CALU: variants seen among roughly 807,000 people sequenced by gnomAD.
CALU encodes the protein IEF SSP 9302.
In CALU, 13 loss-of-function variants were observed where a neutral mutation model predicts 37.5. The observed-to-expected ratio is 0.35, with a 90% CI of 0.23 to 0.55. The LOEUF (loss-of-function observed/expected upper bound fraction) is 0.55, where lower values mean the gene tolerates loss of function less well. Ranked by LOEUF, CALU falls within the 20% of genes least tolerant of loss-of-function variation. CALU has a pLI of 0.89. For missense variants in CALU, 282 were observed against 391.7 expected (o/e 0.72, Z 2.36); for synonymous variants, 114 against 133.8 (o/e 0.85, Z 1.02).
intron 6 of CALU, 46 bp from the exon 7 acceptor site, chr7:128,769,017 A>T (rs1801452478): frequency 9.0e-7 from 1 of 1,107,738 alleles, no homozygotes. Context: ...TGAATTTTTA[A>T]TGGGAAATAT....
At chr7:128,764,125 T>A (rs1469242100) in intron 5 of CALU, among the ~76,000 whole-genome samples, 1 of 152,162 alleles carries the variant, frequency 6.6e-6, no homozygotes, top group African/African-American at 2.4e-5. Context: ...TTTAAACAGT[T>A]GTAAAGAATA....
At chr7:128,766,425 C>CTTTTTT (rs11288081) in intron 5 of CALU, among the ~76,000 whole-genome samples, 289 of 94,902 alleles carry the variant, frequency 3.0e-3, no homozygotes, top group Non-Finnish European at 4.1e-3. Context: ...ATTTCTTTTT[C>CTTTTTT]TTTTTTTTTT....
intron 5 of CALU, among the ~76,000 whole-genome samples, chr7:128,763,330 A>G (rs1801196545): frequency 6.6e-6 from 1 of 152,144 alleles, no homozygotes; most frequent in East Asian, 1.9e-4. Context: ...GGAGTTAGAC[A>G]CCAGCCTGAC....
intron 3 of CALU, among the ~76,000 whole-genome samples, chr7:128,756,839 G>C (rs1000052259): frequency 6.6e-6 from 1 of 152,152 alleles, no homozygotes; most frequent in Admixed American, 6.5e-5. Context: ...ATTTTGGGAG[G>C]CCGAGGCAGA....
intron 1 of CALU, among the ~76,000 whole-genome samples, chr7:128,746,302 C>T (rs141023521): frequency 0.049 from 7,432 of 151,236 alleles, 251 homozygotes; most frequent in Non-Finnish European, 0.069. Context: ...GGACTACAGG[C>T]GTGTGCCACC....
chr7:128,757,859 C>T (rs556271196), intron 3 of CALU, among the ~76,000 whole-genome samples: 1 of 150,602 alleles, frequency 6.6e-6, no homozygotes, highest in Admixed American at 6.6e-5. Context: ...TTGTGTAGCT[C>T]GATGTCATAA....
chr7:128,753,735 TC>T (rs1800762582), intron 2 of CALU, among the ~76,000 whole-genome samples: 1 of 152,230 alleles, frequency 6.6e-6, no homozygotes, highest in African/African-American at 2.4e-5. Context: ...TTTTCTGATA[TC>T]TTTGTATTTT....
intron 6 of CALU, 136 bp downstream of exon 6, chr7:128,767,791 G>A: frequency 2.8e-6 from 2 of 713,508 alleles, no homozygotes; most frequent in Non-Finnish European, 4.8e-6. Context: ...TCTGAATCTG[G>A]CGATTAAAAC....
chr7:128,743,073 A>G (rs1012424445), intron 1 of CALU, among the ~76,000 whole-genome samples: 8 of 152,196 alleles, frequency 5.3e-5, no homozygotes, highest in African/African-American at 1.9e-4. Flanking sequence ...ACTTATACCA[A>G]TCGCAATTCA....
intron 4 of CALU, 65 bp downstream of exon 4, chr7:128,759,102 C>A: frequency 7.8e-7 from 1 of 1,279,264 alleles, no homozygotes; most frequent in South Asian, 1.4e-5. Flanking sequence ...TTCTGTCTTT[C>A]CCCTTTAGCC....
chr7:128,754,560 G>C (rs776917035), intron 3 of CALU, 105 bp downstream of exon 3: 2 of 1,554,906 alleles, frequency 1.3e-6, no homozygotes, highest in East Asian at 4.8e-5. Flanking sequence ...CGCGGATAAA[G>C]ATGGGTTTGT....
At chr7:128,754,866 T>C (rs1001895624) in intron 3 of CALU, 7 of 430,870 alleles carry the variant, frequency 1.6e-5, no homozygotes, top group Non-Finnish European at 2.5e-5. Flanking sequence ...TAAATTTGTA[T>C]ATTATGTATT....
At chr7:128,748,522 A>T in intron 1 of CALU, 51 bp from the exon 2 acceptor site, 1 of 1,389,230 alleles carries the variant, frequency 7.2e-7, no homozygotes, top group Middle Eastern at 1.8e-4. Flanking sequence ...TTTCTTATTT[A>T]GTTATTAAGC....
intron 1 of CALU, among the ~76,000 whole-genome samples, chr7:128,746,173 C>A (rs914643957): frequency 6.9e-6 from 1 of 145,476 alleles, no homozygotes; most frequent in Non-Finnish European, 1.5e-5. Context: ...TTTTTACATT[C>A]TTTTTTTTGA....
chr7:128,768,868 A>AAAAAAAAAAAAAAAAAAG (rs1207568324), intron 6 of CALU, among the ~76,000 whole-genome samples, 195 bp from the exon 7 acceptor site: 1 of 150,518 alleles, frequency 6.6e-6, no homozygotes, highest in Non-Finnish European at 1.5e-5. Context: ...AAAAAAAAAA[A>AAAAAAAAAAAAAAAAAAG]CAAGGAATGT....
intron 1 of CALU, among the ~76,000 whole-genome samples, chr7:128,744,739 G>A (rs1430743672): frequency 6.6e-6 from 1 of 152,142 alleles, no homozygotes; most frequent in Non-Finnish European, 1.5e-5. Context: ...TGAAGGAACA[G>A]CACAGTCTGG....
At chr7:128,746,405 G>A (rs1206228639) in intron 1 of CALU, among the ~76,000 whole-genome samples, 3 of 151,846 alleles carry the variant, frequency 2.0e-5, no homozygotes, top group Non-Finnish European at 4.4e-5. Flanking sequence ...TGATCCTCCC[G>A]CCTCGGCCTC....
At chr7:128,765,451 C>A (rs1033573553) in intron 5 of CALU, among the ~76,000 whole-genome samples, 1 of 152,168 alleles carries the variant, frequency 6.6e-6, no homozygotes, top group African/African-American at 2.4e-5. Context: ...CACAAGTCAG[C>A]CTTCTATTTG....
rs1362748522 is a variant in CALU, at chr7:128,769,478, C to A, written c.*311C>A. ...TGATATGAAGGATCAAGATCCTCAA[C>A]TCACACATGTAGACAAACATTAGCT... On this transcript the variant is annotated 3_prime_UTR_variant, in exon 7 of 7. Coordinates refer to ENST00000249364, the MANE Select transcript of CALU (RefSeq NM_001219.5). 5.5e-6 allele frequency: 1 copy of A among 182,832 alleles called. No individual in the cohort carries two copies. The highest frequency in any genetic ancestry group is 2.4e-5 in the African/African-American group (1 of 42,518). The allele number at this position is 182,832 out of a possible 1,614,324, so 11.3% of individuals were successfully genotyped here.
Sources: allele counts gnomAD v4.1 joint callset (sites outside exome capture counted in the v4.1 genomes callset), GRCh38; gene constraint gnomAD v4.1.1; transcripts MANE v1.5; gene names NCBI Gene and HGNC (gene_info 2026-07-23, HGNC 2026-07-21).